The following CALN1 variants were observed in gnomAD, a reference collection of about 807,000 sequenced individuals.
CALN1 encodes calneuron 1.
CALN1 carries 17 observed loss-of-function variants against 30.6 expected under a neutral mutation model. The ratio of observed to expected loss-of-function variants is 0.56; its 90% CI spans 0.38 to 0.83. CALN1 has a LOEUF of 0.83. Ranked by LOEUF, CALN1 falls within the 40% of genes least tolerant of loss-of-function variation. CALN1 has a pLI of 0.00. For missense variants in CALN1, 291 were observed against 354.9 expected, an observed-to-expected ratio of 0.82 and a Z score of 1.45; for synonymous variants, 156 against 131.4, an observed-to-expected ratio of 1.19 and a Z score of -1.28.
At chr7:72,323,201 G>A (rs746350544) in intron 2 of CALN1, among the ~76,000 whole-genome samples, 3 of 152,054 alleles carry the variant, frequency 2.0e-5, no homozygotes, top group African/African-American at 4.8e-5. Context: ...CAGTGAGTCT[G>A]TCTTGTTCTG....
the CALN1 span, among the ~76,000 whole-genome samples, chr7:72,494,441 C>A: frequency 6.6e-6 from 1 of 152,184 alleles, no homozygotes; most frequent in African/African-American, 2.4e-5. Flanking sequence ...CTGGTAGTAA[C>A]GCAAAGATAG....
At chr7:71,866,620 C>T (rs1292316370) in intron 5 of CALN1, among the ~76,000 whole-genome samples, 1 of 152,094 alleles carries the variant, frequency 6.6e-6, no homozygotes, top group Non-Finnish European at 1.5e-5. Context: ...ACTGAGTACT[C>T]CACATGCTTG....
intron 4 of CALN1, among the ~76,000 whole-genome samples, chr7:72,047,333 G>C (rs939251419): frequency 1.3e-5 from 2 of 152,112 alleles, no homozygotes; most frequent in Non-Finnish European, 2.9e-5. Flanking sequence ...TGAGAGTCGT[G>C]GCTACCTGTA....
intron 3 of CALN1, among the ~76,000 whole-genome samples, chr7:72,253,908 T>C (rs983087123): frequency 1.2e-4 from 19 of 152,156 alleles, no homozygotes; most frequent in African/African-American, 4.6e-4. Flanking sequence ...ACCTGGTTAA[T>C]TTTTATATTT....
intron 3 of CALN1, among the ~76,000 whole-genome samples, chr7:72,234,111 A>T (rs1481168481): frequency 1.3e-5 from 2 of 152,246 alleles, no homozygotes; most frequent in African/African-American, 4.8e-5. Context: ...ACAAGGAAAC[A>T]GTAAGGTTGA....
At chr7:72,291,098 A>G (rs1489017491) in intron 2 of CALN1, among the ~76,000 whole-genome samples, 2 of 151,508 alleles carry the variant, frequency 1.3e-5, no homozygotes, top group Admixed American at 6.6e-5. Flanking sequence ...TAATTTTTGT[A>G]TTTTCAGTAG....
At chr7:72,491,287 G>A in the CALN1 span, among the ~76,000 whole-genome samples, 2 of 151,756 alleles carry the variant, frequency 1.3e-5, no homozygotes, top group African/African-American at 4.8e-5. Flanking sequence ...ATTGGTGGTT[G>A]CCCAGGTGCA....
intron 3 of CALN1, among the ~76,000 whole-genome samples, chr7:72,234,729 A>T (rs1794361626): frequency 6.6e-6 from 1 of 152,038 alleles, no homozygotes; most frequent in African/African-American, 2.4e-5. Flanking sequence ...TACAGGCGTG[A>T]GCCACCGTGT....
chr7:72,422,161 A>G (rs999384387), intron 1 of CALN1, among the ~76,000 whole-genome samples: 1 of 152,188 alleles, frequency 6.6e-6, no homozygotes, highest in Non-Finnish European at 1.5e-5. Flanking sequence ...GGATTACTGG[A>G]TCAAATGGCA....
chr7:72,264,337 AG>A (rs1796473772), intron 3 of CALN1, among the ~76,000 whole-genome samples: 1 of 152,178 alleles, frequency 6.6e-6, no homozygotes, highest in Non-Finnish European at 1.5e-5. Flanking sequence ...TTATAGAATG[AG>A]GTGTTGCCCA....
intron 2 of CALN1, among the ~76,000 whole-genome samples, chr7:72,399,774 C>T (rs1034513060): frequency 1.3e-5 from 2 of 152,168 alleles, no homozygotes; most frequent in Non-Finnish European, 2.9e-5. Flanking sequence ...CCCTCCAAAT[C>T]TCATGTTGGA....
intron 5 of CALN1, among the ~76,000 whole-genome samples, chr7:71,958,828 A>G (rs1021309166): frequency 2.6e-5 from 4 of 152,086 alleles, no homozygotes; most frequent in African/African-American, 9.7e-5. Flanking sequence ...GTGAGACCTG[A>G]CCCATCACTG....
At chr7:72,050,019 A>C (rs1009163207) in intron 4 of CALN1, among the ~76,000 whole-genome samples, 1 of 150,888 alleles carries the variant, frequency 6.6e-6, no homozygotes, top group Non-Finnish European at 1.5e-5. Context: ...GGGTTTCACC[A>C]TGTTGGTCAG....
chr7:72,416,512 T>G (rs1585705589), upstream of CALN1, among the ~76,000 whole-genome samples: 1 of 152,050 alleles, frequency 6.6e-6, no homozygotes, highest in Admixed American at 6.5e-5. Context: ...GACAGGTAGA[T>G]CCACCTAATG....
chr7:72,302,326 C>T (rs912714329), intron 2 of CALN1, among the ~76,000 whole-genome samples: 16 of 152,104 alleles, frequency 1.1e-4, no homozygotes, highest in Non-Finnish European at 1.6e-4. Context: ...GCACCTAAAG[C>T]CCTAGAGGAA....
At chr7:72,082,910 C>G (rs1390768784) in intron 4 of CALN1, among the ~76,000 whole-genome samples, 2 of 151,970 alleles carry the variant, frequency 1.3e-5, no homozygotes, top group South Asian at 2.1e-4. Flanking sequence ...TGAGAAGATG[C>G]AAGAAAGCAG....
At chr7:72,465,818 C>T in the CALN1 span, among the ~76,000 whole-genome samples, 1 of 152,176 alleles carries the variant, frequency 6.6e-6, no homozygotes, top group Admixed American at 6.5e-5. Context: ...CAAGCTGCCA[C>T]TCAGAGCGCG....
intron 5 of CALN1, among the ~76,000 whole-genome samples, chr7:71,912,645 T>C (rs757647670): frequency 6.6e-6 from 1 of 152,162 alleles, no homozygotes; most frequent in Non-Finnish European, 1.5e-5. Flanking sequence ...CCGCTGAACT[T>C]GGCAGTAGAG....
intron 2 of CALN1, among the ~76,000 whole-genome samples, chr7:72,393,194 G>A (rs193007662): frequency 1.5e-3 from 225 of 152,226 alleles, no homozygotes; most frequent in Middle Eastern, 3.4e-3. Context: ...CCGGCTGGGC[G>A]CAGTGGCTCA....
Sources: gnomAD v4.1 joint callset for allele counts (sites outside exome capture counted in the v4.1 genomes callset) on GRCh38, gnomAD v4.1.1 for gene constraint, MANE v1.5 for transcripts, NCBI Gene and HGNC (gene_info 2026-07-23, HGNC 2026-07-21) for gene names.